The following ST3GAL2 variants were observed in gnomAD, a reference collection of about 807,000 sequenced individuals.
ST3GAL2 encodes ST3 beta-galactoside alpha-2,3-sialyltransferase 2.
ST3GAL2 carries 16 observed loss-of-function variants against 37.5 expected under a neutral mutation model. The ratio of observed to expected loss-of-function variants is 0.43; its 90% CI spans 0.29 to 0.65. The LOEUF is 0.65. Ranked by LOEUF, ST3GAL2 falls within the 30% of genes least tolerant of loss-of-function variation. The pLI is 0.17. For missense variants in ST3GAL2, 383 were observed against 487.8 expected (o/e 0.79, Z 2.02); for synonymous variants, 238 against 202.9 (o/e 1.17, Z -1.47).
intron 3 of ST3GAL2, among the ~76,000 whole-genome samples, chr16:70,394,103 C>T (rs2047499711): frequency 6.6e-6 from 1 of 152,166 alleles, no homozygotes; most frequent in African/African-American, 2.4e-5. Flanking sequence ...CCCCCTATTC[C>T]CTGTTCACGC....
intron 1 of ST3GAL2, among the ~76,000 whole-genome samples, chr16:70,417,367 C>T (rs1488578609): frequency 6.6e-6 from 1 of 152,004 alleles, no homozygotes; most frequent in Non-Finnish European, 1.5e-5. Context: ...CAGCAGGCAC[C>T]GGCCTCCAGG....
intron 1 of ST3GAL2, among the ~76,000 whole-genome samples, chr16:70,401,729 A>G (rs928295455): frequency 1.3e-5 from 2 of 152,138 alleles, no homozygotes; most frequent in African/African-American, 4.8e-5. Context: ...CCAATGGCTC[A>G]TGCCTATAAT....
intron 1 of ST3GAL2, among the ~76,000 whole-genome samples, chr16:70,424,215 G>A (rs1342979502): frequency 2.1e-5 from 3 of 143,256 alleles, no homozygotes; most frequent in African/African-American, 7.8e-5. Flanking sequence ...GACTGGTCTC[G>A]AACTCCCGAC....
At chr16:70,394,959 C>T (rs777256001) in intron 3 of ST3GAL2, 23 bp downstream of exon 3, 17 of 1,607,082 alleles carry the variant, frequency 1.1e-5, no homozygotes, top group African/African-American at 2.7e-5. Context: ...CTGAGCCCAC[C>T]CTTGGGCTCC....
At chr16:70,424,309 A>G (rs2047735982) in intron 1 of ST3GAL2, among the ~76,000 whole-genome samples, 2 of 146,532 alleles carry the variant, frequency 1.4e-5, no homozygotes, top group African/African-American at 5.0e-5. Context: ...AAGTAGCTTT[A>G]TAAGGTTCTT....
intron 1 of ST3GAL2, among the ~76,000 whole-genome samples, chr16:70,408,913 A>AAAAAAAAAAAAG (rs2047614703): frequency 8.0e-6 from 1 of 124,402 alleles, no homozygotes; most frequent in Non-Finnish European, 1.6e-5. Flanking sequence ...AAAAAAAAAA[A>AAAAAAAAAAAAG]AAAAAAAAAA....
rs957869814 is a variant in ST3GAL2 at position 70,380,965 on chromosome 16, C to G, written c.*724G>C. 1 of 153,080 alleles carries G rather than the reference C, an allele frequency of 6.5e-6. No homozygotes were observed. The highest frequency in any genetic ancestry group is 2.4e-5 in the African/African-American group (1 of 41,476). 9.5% of individuals were successfully genotyped at this position (153,080 alleles called of 1,614,324 possible). On this transcript the variant is annotated 3_prime_UTR_variant, in exon 7 of 7. Transcript: ENST00000342907. Reference sequence around the variant, plus strand: ...TGCGGGTGAACGGGAGGGTCGAGGGCACACGTGAGTGACAGCACCTTGCAC... The same window carrying G: ...TGCGGGTGAACGGGAGGGTCGAGGGGACACGTGAGTGACAGCACCTTGCAC...
intron 1 of ST3GAL2, among the ~76,000 whole-genome samples, chr16:70,431,871 G>C (rs918202413): frequency 6.6e-6 from 1 of 152,010 alleles, no homozygotes; most frequent in Non-Finnish European, 1.5e-5. Flanking sequence ...GGCTGAGGCA[G>C]GAGAATGGCA....
At chr16:70,408,921 A>AAGAAAG (rs2047614883) in intron 1 of ST3GAL2, among the ~76,000 whole-genome samples, 1 of 140,334 alleles carries the variant, frequency 7.1e-6, no homozygotes, top group African/African-American at 2.7e-5. Flanking sequence ...AAAAAAAAAA[A>AAGAAAG]AAAAAAGAAA....
intron 1 of ST3GAL2, among the ~76,000 whole-genome samples, chr16:70,403,477 T>C (rs2047569289): frequency 6.6e-6 from 1 of 151,830 alleles, no homozygotes; most frequent in African/African-American, 2.4e-5. Context: ...AGGTCAGGAG[T>C]TTGAGACCAG....
chr16:70,429,513 C>T (rs572404760), intron 1 of ST3GAL2, among the ~76,000 whole-genome samples: 8 of 140,660 alleles, frequency 5.7e-5, no homozygotes, highest in Admixed American at 1.4e-4. Context: ...GGCATGAACC[C>T]GGGAGGCGGA....
chr16:70,381,316 G>A lies in ST3GAL2; in HGVS notation c.*373C>T, dbSNP rs967858086. ...AGACGATCCTCCGCCCGAGGCTGAC[G>A]GAAGTGCTTCGCCGAGGCCCGCGCC... is the stretch of plus-strand genomic sequence containing the variant. On this transcript the variant is annotated 3_prime_UTR_variant, in exon 7 of 7. Coordinates refer to ENST00000342907, the MANE Select transcript of ST3GAL2 (RefSeq NM_006927.4). 5.1e-6 allele frequency: 1 copy of A among 194,966 alleles called. No individual in the cohort carries two copies. The highest frequency in any genetic ancestry group is 1.1e-5 in the Non-Finnish European group (1 of 93,472). 12.1% of individuals were successfully genotyped at this position (194,966 alleles called of 1,614,324 possible).
chr16:70,384,209 C>CA (rs1449918884), intron 4 of ST3GAL2, among the ~76,000 whole-genome samples: 2 of 152,098 alleles, frequency 1.3e-5, no homozygotes, highest in Non-Finnish European at 2.9e-5. Flanking sequence ...AGGTAGAACA[C>CA]AAACCAAGCA....
chr16:70,431,970 A>T (rs58716344), intron 1 of ST3GAL2, among the ~76,000 whole-genome samples: 10,266 of 143,844 alleles, frequency 0.071, 1,188 homozygotes, highest in African/African-American at 0.27. Flanking sequence ...TCTTAAAAAA[A>T]ATATATATAT....
At chr16:70,402,897 C>G (rs898845614) in intron 1 of ST3GAL2, among the ~76,000 whole-genome samples, 3 of 152,028 alleles carry the variant, frequency 2.0e-5, no homozygotes, top group Admixed American at 2.0e-4. Flanking sequence ...GTGATCCACC[C>G]GCCTCAGCCT....
intron 1 of ST3GAL2, among the ~76,000 whole-genome samples, chr16:70,408,410 T>TG (rs2047608649): frequency 7.0e-6 from 1 of 143,436 alleles, no homozygotes; most frequent in Non-Finnish European, 1.5e-5. Context: ...GGCGGAGGGG[T>TG]GGGGGTGGGC....
chr16:70,398,041 C>T, intron 2 of ST3GAL2, 151 bp downstream of exon 2: 1 of 827,656 alleles, frequency 1.2e-6, no homozygotes, highest in Non-Finnish European at 1.9e-6. Flanking sequence ...CAGGTCAGTG[C>T]TTGCTCTGCC....
chr16:70,392,115 C>A (rs1407742790), intron 3 of ST3GAL2, among the ~76,000 whole-genome samples: 1 of 152,236 alleles, frequency 6.6e-6, no homozygotes, highest in East Asian at 1.9e-4. Flanking sequence ...GCGCCTGTGG[C>A]TGGCCATGCT....
intron 1 of ST3GAL2, among the ~76,000 whole-genome samples, chr16:70,422,189 T>C (rs1306921863): frequency 1.3e-5 from 2 of 152,134 alleles, no homozygotes; most frequent in African/African-American, 4.8e-5. Context: ...GGGCTGCAGG[T>C]CCTCCATTTG....
Sources: allele counts gnomAD v4.1 joint callset (sites outside exome capture counted in the v4.1 genomes callset), GRCh38; gene constraint gnomAD v4.1.1; transcripts MANE v1.5; gene names NCBI Gene and HGNC (gene_info 2026-07-23, HGNC 2026-07-21).